Variants in POLN observed in about 807,000 individuals in gnomAD.
POLN encodes the protein DNA polymerase N.
POLN carries 108 observed loss-of-function variants against 113.5 expected under a neutral mutation model. The observed-to-expected ratio is 0.95, with a 90% CI of 0.81 to 1.12. POLN has a LOEUF of 1.12. Ranked by LOEUF, POLN falls within the 50% of genes most tolerant of loss-of-function variation. The pLI, the probability that POLN is intolerant of heterozygous loss-of-function variation, is 0.00. For missense variants in POLN, 1,097 were observed against 1,077.1 expected (o/e 1.02, Z -0.26); for synonymous variants, 386 against 391.5 (o/e 0.99, Z 0.17).
intron 14 of POLN, 98 bp from the exon 15 acceptor site, chr4:2,158,009 T>C (rs1391909520): frequency 1.2e-6 from 1 of 862,374 alleles, no homozygotes; most frequent in Non-Finnish European, 1.8e-6. Context: ...TGGAGTGCAG[T>C]GGCGTGATCT....
intron 19 of POLN, among the ~76,000 whole-genome samples, chr4:2,125,516 C>G (rs189581037): frequency 6.6e-6 from 1 of 152,296 alleles, no homozygotes; most frequent in Non-Finnish European, 1.5e-5. Context: ...TTCTCTCAGT[C>G]CACATGGCCT....
chr4:2,081,309 GGCCAAGT>G lies in POLN; in HGVS notation c.2309-280_2309-274del. ...TGCATGGGGAGGATGGAAGGGCCTA[GGCCAAGT>G]GCCAAGGAACTGAGCTCCAGGTCTC... On this transcript the variant is annotated intron_variant, in intron 22 of 25. Transcript: ENST00000511885. The G allele has an allele frequency of 3.2e-6, 3 of 933,248 alleles. No homozygotes were observed. In the South Asian group the frequency reaches 4.8e-5, roughly 15 times the overall value. The allele number at this position is 933,248 out of a possible 1,614,324, so 57.8% of individuals were successfully genotyped here.
In POLN at chr4:2,226,787, T is replaced by C. The variant is rs890064478; in HGVS notation, c.133+2312A>G. Among the ~76,000 whole-genome samples the C allele has an allele frequency of 2.0e-5, 3 of 152,222 alleles. No homozygotes were observed. In the East Asian group the frequency reaches 5.8e-4, roughly 29 times the overall value. On this transcript the variant is annotated intron_variant, in intron 3 of 25. Transcript: ENST00000511885. ...ATTTCCATTAATTTCTGAGTTGAAA[T>C]TCCATATTTATTTGGTATGAAATAG...
intron 7 of POLN, among the ~76,000 whole-genome samples, chr4:2,182,452 G>A (rs1415083112): frequency 6.6e-6 from 1 of 152,166 alleles, no homozygotes; most frequent in Non-Finnish European, 1.5e-5. Context: ...GAGTGAAAAG[G>A]ACTTCCAGCC....
In POLN at chr4:2,159,160, T is replaced by C. The variant is rs748368064; in HGVS notation, c.1606A>G (p.Arg536Gly). 5 of 1,606,006 alleles carry C rather than the reference T, an allele frequency of 3.1e-6. No homozygotes were observed. Among genetic ancestry groups the C allele is most frequent in the Non-Finnish European group, 4.3e-6 (5 of 1,173,048 alleles). Reference sequence around the variant, plus strand: ...GTACAAAAAAATTAACTTACCTGCCTGTATTCCAAAATTATCTTGGGTAAT... The same window carrying C: ...GTACAAAAAAATTAACTTACCTGCCCGTATTCCAAAATTATCTTGGGTAAT... Reference protein sequence around the residue: ...HPLPKIILEYRQVHKIKSTFV... With the variant: ...HPLPKIILEYGQVHKIKSTFV... Residue 536 changes from arginine to glycine, a missense_variant, in exon 14 of 26, where the codon AGG (arginine) becomes GGG (glycine). Transcript: ENST00000511885.
At chr4:2,208,858 G>A (rs1341272272) in intron 4 of POLN, among the ~76,000 whole-genome samples, 2 of 152,136 alleles carry the variant, frequency 1.3e-5, no homozygotes, top group African/African-American at 4.8e-5. Context: ...CATGGTGGCA[G>A]GCGCTTGTAA....
At chr4:2,133,397 C>T (rs756875496) in intron 16 of POLN, among the ~76,000 whole-genome samples, 27 of 152,062 alleles carry the variant, frequency 1.8e-4, no homozygotes, top group African/African-American at 4.1e-4. Flanking sequence ...TCACAACAGT[C>T]GAGATATGGA....
At chr4:2,086,319 C>T (rs1367723833) in intron 20 of POLN, among the ~76,000 whole-genome samples, 1 of 151,974 alleles carries the variant, frequency 6.6e-6, no homozygotes, top group Non-Finnish European at 1.5e-5. Context: ...TATTTATTAA[C>T]AAGAAAAGAA....
intron 19 of POLN, among the ~76,000 whole-genome samples, chr4:2,112,794 T>A (rs1731227170): frequency 6.6e-6 from 1 of 152,172 alleles, no homozygotes; most frequent in African/African-American, 2.4e-5. Flanking sequence ...GGTAGGACTG[T>A]AAACTAGTTC....
At chr4:2,089,281 G>A (rs1409491050) in intron 20 of POLN, 34 of 1,440,702 alleles carry the variant, frequency 2.4e-5, no homozygotes, top group Non-Finnish European at 3.1e-5. Flanking sequence ...TCTTGTGGGA[G>A]AAGCTTTAGG....
intron 2 of POLN, chr4:2,240,661 C>T: frequency 1.2e-6 from 2 of 1,613,932 alleles, no homozygotes; most frequent in Non-Finnish European, 1.7e-6. Flanking sequence ...AGCTCTTTAT[C>T]ATCCAGTCTA....
chr4:2,128,762 T>G (rs1258162430), intron 18 of POLN, among the ~76,000 whole-genome samples: 1 of 152,130 alleles, frequency 6.6e-6, no homozygotes, highest in Non-Finnish European at 1.5e-5. Flanking sequence ...CCTTAGAATT[T>G]ATTTGAAAGA....
chr4:2,131,326 T>C (rs773599096), intron 16 of POLN, 36 bp from the exon 17 acceptor site: 1 of 1,388,074 alleles, frequency 7.2e-7, no homozygotes, highest in South Asian at 1.2e-5. Flanking sequence ...AGTTAAAATA[T>C]CTACTCTTAA....
intron 7 of POLN, among the ~76,000 whole-genome samples, chr4:2,190,657 A>T (rs895218459): frequency 1.3e-5 from 2 of 152,314 alleles, no homozygotes; most frequent in African/African-American, 4.8e-5. Context: ...CCAGGATATA[A>T]AAGGAACTCA....
chr4:2,184,473 A>G (rs1033982707), intron 7 of POLN, among the ~76,000 whole-genome samples: 4 of 152,196 alleles, frequency 2.6e-5, no homozygotes, highest in African/African-American at 7.2e-5. Flanking sequence ...AGGATTCTTC[A>G]GTATGTTTTA....
chr4:2,203,544 C>G (rs1254135112), intron 5 of POLN, among the ~76,000 whole-genome samples: 1 of 150,166 alleles, frequency 6.7e-6, no homozygotes, highest in African/African-American at 2.5e-5. Flanking sequence ...TGTACCACTG[C>G]ACTCCAGCCT....
chr4:2,180,593 CAT>C (rs1733114521), intron 7 of POLN, among the ~76,000 whole-genome samples: 2 of 152,308 alleles, frequency 1.3e-5, no homozygotes, highest in South Asian at 4.1e-4. Flanking sequence ...AAGAGGAGCA[CAT>C]GTCTCCGTCA....
At chr4:2,233,155 C>T (rs557060608) in intron 2 of POLN, among the ~76,000 whole-genome samples, 2 of 152,184 alleles carry the variant, frequency 1.3e-5, no homozygotes, top group East Asian at 1.9e-4. Context: ...CAAGTAATTT[C>T]GACATTATAT....
At chr4:2,086,826 G>T (rs1421582903) in intron 20 of POLN, among the ~76,000 whole-genome samples, 1 of 152,202 alleles carries the variant, frequency 6.6e-6, no homozygotes, top group Non-Finnish European at 1.5e-5. Flanking sequence ...AAACTCTAGG[G>T]TTGTACTAGA....
Sources: allele counts gnomAD v4.1 joint callset (sites outside exome capture counted in the v4.1 genomes callset), GRCh38; gene constraint gnomAD v4.1.1; transcripts MANE v1.5; gene names NCBI Gene and HGNC (gene_info 2026-07-23, HGNC 2026-07-21).